Variants in UBE2O observed in about 807,000 individuals in gnomAD.
UBE2O encodes the protein (E3-independent) E2 ubiquitin-conjugating enzyme.
In UBE2O, 15 loss-of-function variants were observed where a neutral mutation model predicts 125.8. That is an observed-to-expected ratio of 0.12 (90% confidence interval 0.08 to 0.18). UBE2O has a LOEUF of 0.18. UBE2O is among the 10% of genes least tolerant of loss of function. UBE2O has a pLI of 1.00. For missense variants in UBE2O, 1,280 were observed against 1,723.6 expected, an observed-to-expected ratio of 0.74 and a Z score of 4.56; for synonymous variants, 708 against 703.2, an observed-to-expected ratio of 1.01 and a Z score of -0.11.
rs971982995 is a variant in UBE2O at position 76,450,995 on chromosome 17, C to T, written c.417+1730G>A. ...AATTACACATAGTGCAGGAGGCAAACGGAGCATAACTGCAAACAAAGTTAA... is the reference window on the plus strand; with the variant it reads ...AATTACACATAGTGCAGGAGGCAAATGGAGCATAACTGCAAACAAAGTTAA... On this transcript the variant is annotated intron_variant, in intron 1 of 17. Coordinates refer to ENST00000319380, the MANE Select transcript of UBE2O (RefSeq NM_022066.4). Among the ~76,000 whole-genome samples, 9 of 152,240 alleles carry T rather than the reference C, an allele frequency of 5.9e-5. No individual in the cohort carries two copies. The East Asian group carries it at 1.4e-3, about 23-fold the overall frequency.
intron 1 of UBE2O, among the ~76,000 whole-genome samples, chr17:76,437,914 TG>T (rs978249582): frequency 3.3e-5 from 5 of 152,184 alleles, no homozygotes; most frequent in Non-Finnish European, 5.9e-5. Context: ...TAAAGGAAGA[TG>T]GGGGACAGGC....
In UBE2O at chr17:76,401,165, T is replaced by TG; in HGVS notation, c.751-12dup. On this transcript the variant is annotated splice_polypyrimidine_tract_variant and intron_variant, in intron 5 of 17. Transcript: ENST00000319380. The stretch of plus-strand genomic sequence containing the variant: ...ATCGAAGAAGAGACCCTGCGGGATG[T>TG]GGGGCCAAAGGAAAGTCCCCGTGAG... 1 of 1,612,608 alleles carries TG rather than the reference T, an allele frequency of 6.2e-7. No individual in the cohort carries two copies. The highest frequency in any genetic ancestry group is 8.5e-7 in the Non-Finnish European group (1 of 1,179,432).
chr17:76,400,675 C>G lies in UBE2O; in HGVS notation c.895-125G>C, dbSNP rs944103368. The stretch of plus-strand genomic sequence containing the variant: ...GATCTTCCTAGTGCAGCACCAAGTA[C>G]AGACACATCAGAGCAGGCCCCAACT... On this transcript the variant is annotated intron_variant, in intron 6 of 17. Transcript: ENST00000319380. This position sits in a 1 kb window ranked among gnomAD's most constrained non-coding sequence, Gnocchi z 4.3. 13 of 670,544 alleles carry G rather than the reference C, an allele frequency of 1.9e-5. No homozygotes were observed. The East Asian group carries it at 3.3e-4, about 17-fold the overall frequency. 41.5% of individuals were successfully genotyped at this position (670,544 alleles called of 1,614,324 possible).
At position 76,442,994 on chromosome 17, in the gene UBE2O, G is replaced by T. The variant is rs534243105; in HGVS notation, c.417+9731C>A. The stretch of plus-strand genomic sequence containing the variant: ...GGGCCAAAGAAGGTAAATTAAAAAT[G>T]ACCCCAAATGCTCTAATTTTGAGAA... On this transcript the variant is annotated intron_variant, in intron 1 of 17. Coordinates refer to ENST00000319380, the MANE Select transcript of UBE2O (RefSeq NM_022066.4). Among the ~76,000 whole-genome samples the T allele has an allele frequency of 3.3e-5, 5 of 152,326 alleles. No homozygotes were observed. The South Asian group carries it at 6.2e-4, about 19-fold the overall frequency.
chr17:76,405,285 T>A lies in UBE2O; in HGVS notation c.509A>T (p.Asn170Ile), dbSNP rs1258944628. The A allele has an allele frequency of 1.9e-6, 3 of 1,613,192 alleles. No individual in the cohort carries two copies. Among genetic ancestry groups the A allele is most frequent in the Non-Finnish European group, 2.5e-6 (3 of 1,179,394 alleles). ...GATGAGCTTGACGGCACAGTCGATG[T>A]TGACGTCGATCACCGTGCCACACTG... The part of the protein sequence containing the change: ...DSQCGTVIDV[N>I]IDCAVKLIGT... Residue 170 changes from asparagine (N) to isoleucine (I), a missense_variant, in exon 3 of 18, where the codon AAC becomes ATC. Physicochemically the swap from Asn to Ile is moderately radical, Grantham distance 149 (BLOSUM62 -3). Around this residue, in one of 10 missense-constraint regions of UBE2O, gnomAD observed 206 missense variants for 315.7 expected, o/e 0.65. Coordinates refer to ENST00000319380, the MANE Select transcript of UBE2O (RefSeq NM_022066.4). The surrounding 1 kb of genome is among the most constrained non-coding windows in gnomAD (Gnocchi z 6.1).
chr17:76,441,216 C>G (rs1051543533), intron 1 of UBE2O, among the ~76,000 whole-genome samples: 4 of 152,208 alleles, frequency 2.6e-5, no homozygotes, highest in Non-Finnish European at 4.4e-5. Context: ...GGATAAAAGA[C>G]AGCAATTTCA....
chr17:76,433,314 C>T (rs1255840745), intron 1 of UBE2O, among the ~76,000 whole-genome samples: 1 of 149,270 alleles, frequency 6.7e-6, no homozygotes, highest in Non-Finnish European at 1.5e-5. Flanking sequence ...ACCTTGAAAA[C>T]ATCACGTTAA....
At chr17:76,401,942 C>G (rs1409150450) in intron 5 of UBE2O, 122 bp downstream of exon 5, 1 of 894,932 alleles carries the variant, frequency 1.1e-6, no homozygotes, top group African/African-American at 1.7e-5. Context: ...CCCTCTGGCG[C>G]GCACCCGCCC....
Position 76,397,904 on chromosome 17 carries a change from G to A in UBE2O, c.2026-16C>T, listed in dbSNP as rs764750146. 3 of 1,613,544 alleles carry A rather than the reference G, an allele frequency of 1.9e-6. No homozygotes were observed. The highest frequency in any genetic ancestry group is 3.3e-5 in the Admixed American group (2 of 60,030). ...CCACCGATGGCTGCTGGGCAAAGGG[G>A]ACAAAGTCAGGGGGCCCAGCTCAAG... On this transcript the variant is annotated splice_polypyrimidine_tract_variant and intron_variant, in intron 12 of 17. Transcript: ENST00000319380.
chr17:76,403,986 C>G (rs2143723754), intron 3 of UBE2O, among the ~76,000 whole-genome samples: 1 of 152,202 alleles, frequency 6.6e-6, no homozygotes, highest in South Asian at 2.1e-4. Flanking sequence ...ACAGAAATCT[C>G]TAAGTCCATA....
intron 13 of UBE2O, 68 bp downstream of exon 13, chr17:76,397,731 C>CGTA (rs1267795634): frequency 1.3e-6 from 2 of 1,486,226 alleles, no homozygotes; most frequent in Non-Finnish European, 1.9e-6. Context: ...TCTGGCTACA[C>CGTA]GCCTGTGGCC....
intron 1 of UBE2O, among the ~76,000 whole-genome samples, chr17:76,417,738 G>A (rs2072640441): frequency 6.6e-6 from 1 of 152,196 alleles, no homozygotes; most frequent in Non-Finnish European, 1.5e-5. Context: ...CCAGGGGCAG[G>A]AAACAGCTAT....
rs574844431 is a variant in UBE2O, at chr17:76,395,492, G to A, written c.2946+233C>T. On this transcript the variant is annotated intron_variant, in intron 15 of 17. Transcript: ENST00000319380. The surrounding 1 kb of genome is among the most constrained non-coding windows in gnomAD (Gnocchi z 5.0). ...CGGGTGTGAGCCACTGCGCCCGGCCGAGAAAGTAATTTTTTAAAGGAGGGA... is the reference window on the plus strand; with the variant it reads ...CGGGTGTGAGCCACTGCGCCCGGCCAAGAAAGTAATTTTTTAAAGGAGGGA... 56 of 475,752 alleles carry A rather than the reference G, an allele frequency of 1.2e-4. No individual in the cohort carries two copies. The Middle Eastern group carries it at 2.8e-3, about 24-fold the overall frequency. The allele number at this position is 475,752 out of a possible 1,614,324, so 29.5% of individuals were successfully genotyped here.
At chr17:76,436,262 T>A (rs765106288) in intron 1 of UBE2O, among the ~76,000 whole-genome samples, 2 of 151,998 alleles carry the variant, frequency 1.3e-5, no homozygotes, top group South Asian at 2.1e-4. Flanking sequence ...TTAATTAATT[T>A]ATTAATTAAT....
At chr17:76,430,487 T>C in intron 1 of UBE2O, 1 of 261,854 alleles carries the variant, frequency 3.8e-6, no homozygotes, top group South Asian at 4.2e-5. Flanking sequence ...TTCTACAAAA[T>C]GGGTGGTCTT....
At chr17:76,426,008 C>T (rs2072804852) in intron 1 of UBE2O, among the ~76,000 whole-genome samples, 1 of 152,042 alleles carries the variant, frequency 6.6e-6, no homozygotes, top group South Asian at 2.1e-4. Flanking sequence ...TTTTTCCAGC[C>T]CTTACATGCC....
At chr17:76,415,974 C>T (rs150885501) in intron 1 of UBE2O, among the ~76,000 whole-genome samples, 3,545 of 128,850 alleles carry the variant, frequency 0.028, 69 homozygotes, top group Non-Finnish European at 0.048. Context: ...TATACGTATG[C>T]GTATACATAT....
rs983930938 is a variant in UBE2O at position 76,390,841 on chromosome 17, G to A, written c.*102C>T. The A allele has an allele frequency of 2.4e-6, 3 of 1,239,432 alleles. No individual in the cohort carries two copies. In the African/African-American group the frequency reaches 4.5e-5, roughly 19 times the overall value. The allele number at this position is 1,239,432 out of a possible 1,614,324, so 76.8% of individuals were successfully genotyped here. ...GGGAGAAGAGGGCAGTGGGTTTGCA[G>A]TGGGGACAGAGGGGCATGGGAAGAG... is the stretch of plus-strand genomic sequence containing the variant. On this transcript the variant is annotated 3_prime_UTR_variant, in exon 18 of 18. Transcript: ENST00000319380.
Position 76,425,389 on chromosome 17 carries a change from G to C in UBE2O, c.418-19817C>G, listed in dbSNP as rs920333585. On this transcript the variant is annotated intron_variant, in intron 1 of 17. Coordinates refer to ENST00000319380, the MANE Select transcript of UBE2O (RefSeq NM_022066.4). ...TAAAAAAAAAACATAGTACTAAAAG[G>C]CTTAACAAAAACAGGCAGTCCCCCA... Among the ~76,000 whole-genome samples, 4 of 151,238 alleles carry C rather than the reference G, an allele frequency of 2.6e-5. No homozygotes were observed. The South Asian group carries it at 8.3e-4, about 32-fold the overall frequency.
Sources: gnomAD v4.1 joint callset for allele counts (sites outside exome capture counted in the v4.1 genomes callset) on GRCh38, gnomAD v4.1.1 for gene constraint, gnomAD v4.1.1 regional missense constraint, Gnocchi (gnomAD v3.1) non-coding constraint, MANE v1.5 for transcripts, NCBI Gene and HGNC (gene_info 2026-07-23, HGNC 2026-07-21) for gene names.